ZC3H3: variants seen among roughly 807,000 people sequenced by gnomAD.
The protein encoded by ZC3H3 is zinc finger CCCH-type containing 3.
ZC3H3 carries 36 observed loss-of-function variants against 77.3 expected under a neutral mutation model. That is an observed-to-expected ratio of 0.47 (90% CI 0.36 to 0.61). The LOEUF is 0.61. Among genes scored for constraint, ZC3H3 ranks in the 20% least tolerant of loss-of-function variants. The pLI is 0.00. For synonymous variants in ZC3H3, 626 were observed against 555.2 expected (o/e 1.13, Z -1.79); for missense variants, 1,331 against 1,312.2 (o/e 1.01, Z -0.22).
intron 3 of ZC3H3, among the ~76,000 whole-genome samples, chr8:143,514,670 C>T (rs2130443221): frequency 6.6e-6 from 1 of 152,332 alleles, no homozygotes; most frequent in South Asian, 2.1e-4. Flanking sequence ...GAGTTTCACG[C>T]AGAGCCAGGC....
At chr8:143,498,598 C>T (rs527284486) in intron 4 of ZC3H3, among the ~76,000 whole-genome samples, 2 of 152,018 alleles carry the variant, frequency 1.3e-5, no homozygotes, top group African/African-American at 2.4e-5. Context: ...CTGTCCTCCC[C>T]GGCTGAAGGG....
chr8:143,490,933 C>T (rs1031502870), intron 4 of ZC3H3, among the ~76,000 whole-genome samples: 18 of 152,304 alleles, frequency 1.2e-4, no homozygotes, highest in Middle Eastern at 3.4e-3. Context: ...TAAATATTGA[C>T]TATGTAAATG....
chr8:143,495,084 C>A (rs747319219), intron 4 of ZC3H3, among the ~76,000 whole-genome samples: 1 of 152,206 alleles, frequency 6.6e-6, no homozygotes, highest in Admixed American at 6.5e-5. Flanking sequence ...AGCGATCCCA[C>A]GCGCGACAGT....
chr8:143,525,634 G>A (rs1020003796), intron 3 of ZC3H3, among the ~76,000 whole-genome samples: 1 of 152,208 alleles, frequency 6.6e-6, no homozygotes, highest in African/African-American at 2.4e-5. Flanking sequence ...ACTCAGCCCT[G>A]GAAAGAGGGG....
chr8:143,535,827 G>T (rs565406251), intron 3 of ZC3H3, among the ~76,000 whole-genome samples: 1 of 152,250 alleles, frequency 6.6e-6, no homozygotes, highest in Non-Finnish European at 1.5e-5. Context: ...ACAGTACCAT[G>T]TGACACTCAG....
At chr8:143,522,078 A>C (rs1822262234) in intron 3 of ZC3H3, among the ~76,000 whole-genome samples, 1 of 152,184 alleles carries the variant, frequency 6.6e-6, no homozygotes, top group South Asian at 2.1e-4. Flanking sequence ...CGTGTGGCCC[A>C]GTGCTGAGCC....
chr8:143,475,259 C>T, intron 5 of ZC3H3, 139 bp downstream of exon 5: 1 of 1,072,932 alleles, frequency 9.3e-7, no homozygotes, highest in East Asian at 2.7e-5. Context: ...AGGCCCCTGA[C>T]CTCCTCCCCA....
At chr8:143,441,973 G>A (rs1002196326) in intron 9 of ZC3H3, among the ~76,000 whole-genome samples, 1 of 152,206 alleles carries the variant, frequency 6.6e-6, no homozygotes, top group African/African-American at 2.4e-5. Flanking sequence ...CAAGCTCCAA[G>A]AGTGGAGCTC....
At position 143,468,364 on chromosome 8, in the gene ZC3H3, G is replaced by T. The variant is rs1820469237; in HGVS notation, c.2105+18C>A. 1 of 1,612,132 alleles carries T rather than the reference G, an allele frequency of 6.2e-7. No homozygotes were observed. The highest frequency in any genetic ancestry group is 1.1e-5 in the South Asian group (1 of 90,986). On this transcript the variant is annotated intron_variant, in intron 7 of 11. Coordinates refer to ENST00000262577, the MANE Select transcript of ZC3H3 (RefSeq NM_015117.3). Reference sequence around the variant, plus strand: ...GCACAGAACCTCCCCCAGGCCCACAGCGAGGGCAGGAGGGCACCTGGTGCA... The same window carrying T: ...GCACAGAACCTCCCCCAGGCCCACATCGAGGGCAGGAGGGCACCTGGTGCA...
At chr8:143,536,484 C>A in intron 2 of ZC3H3, 31 bp from the exon 3 acceptor site, 1 of 1,468,794 alleles carries the variant, frequency 6.8e-7, no homozygotes, top group Non-Finnish European at 9.0e-7. Flanking sequence ...CAGCTCTCAA[C>A]AAGCCCTGGG....
Position 143,498,303 on chromosome 8 carries a change from C to T in ZC3H3, c.1715+9443G>A, listed in dbSNP as rs573259010. Among the ~76,000 whole-genome samples, 10 of 152,336 alleles carry T rather than the reference C, an allele frequency of 6.6e-5. No homozygotes were observed. In the South Asian group the frequency reaches 1.9e-3, roughly 28 times the overall value. ...CTCTATGTGAAGCCCTGTCAGGCCG[C>T]GTTCTCCCAGAACCTGCAGGGCTGA... On this transcript the variant is annotated intron_variant, in intron 4 of 11. Transcript: ENST00000262577.
intron 3 of ZC3H3, among the ~76,000 whole-genome samples, chr8:143,529,416 C>A (rs893679488): frequency 1.3e-5 from 2 of 152,186 alleles, no homozygotes; most frequent in South Asian, 2.1e-4. Context: ...GGCAAACCAC[C>A]CCCTCTCCAA....
chr8:143,462,266 C>T lies in ZC3H3; in HGVS notation c.2307+3451G>A, dbSNP rs1820285973. On this transcript the variant is annotated intron_variant, in intron 9 of 11. Transcript: ENST00000262577. The surrounding 1 kb of genome is among the most constrained non-coding windows in gnomAD (Gnocchi z 4.7). ...GACTGAGGCCAGAGGAGGAAGTAACCGTGCAGGGACAAGCGACACCCACAG... is the reference window on the plus strand; with the variant it reads ...GACTGAGGCCAGAGGAGGAAGTAACTGTGCAGGGACAAGCGACACCCACAG... Among the ~76,000 whole-genome samples, 1 of 152,110 alleles carries T rather than the reference C, an allele frequency of 6.6e-6. No individual in the cohort carries two copies. The highest frequency in any genetic ancestry group is 1.5e-5 in the Non-Finnish European group (1 of 68,032).
Position 143,538,247 on chromosome 8 carries a change from G to A in ZC3H3, c.1120C>T (p.Pro374Ser), listed in dbSNP as rs1822870262. ...GAGGCCTTCCACTTGTACTTGCTGG[G>A]GGCAGACCCTGGCTTGGAGGACGTG... ...PATSSKPGSA[P>S]SKYKWKASSP... is the part of the protein sequence containing the mutation. Residue 374 changes from proline to serine, a missense_variant, in exon 2 of 12, where the codon CCC (proline) becomes TCC (serine). Pro to Ser is a moderately conservative substitution (Grantham distance 74). Coordinates refer to ENST00000262577, the MANE Select transcript of ZC3H3 (RefSeq NM_015117.3). The A allele has an allele frequency of 6.2e-7, 1 of 1,612,920 alleles. No homozygotes were observed. Among genetic ancestry groups the A allele is most frequent in the Non-Finnish European group, 8.5e-7 (1 of 1,180,048 alleles).
intron 9 of ZC3H3, among the ~76,000 whole-genome samples, chr8:143,451,155 C>T (rs1404767571): frequency 2.0e-5 from 3 of 152,092 alleles, no homozygotes; most frequent in Non-Finnish European, 4.4e-5. Flanking sequence ...CCAAAACCTA[C>T]AGACACGGGA....
rs571462026 is a variant in ZC3H3 at position 143,530,040 on chromosome 8, G to A, written c.1561+6217C>T. Among the ~76,000 whole-genome samples the A allele has an allele frequency of 5.3e-4, 81 of 152,290 alleles. 2 individuals carry two copies. Among genetic ancestry groups the A allele is most frequent in the African/African-American group, 1.6e-3 (65 of 41,570 alleles). ...TTCCTCCACACCCAGGGGCGGGCAC[G>A]GCAGACTGAGGGACGGGTAGGAATC... On this transcript the variant is annotated intron_variant, in intron 3 of 11. Coordinates refer to ENST00000262577, the MANE Select transcript of ZC3H3 (RefSeq NM_015117.3). This position sits in a 1 kb window ranked among gnomAD's most constrained non-coding sequence, Gnocchi z 4.3.
chr8:143,502,959 G>A (rs1180900128), intron 4 of ZC3H3, among the ~76,000 whole-genome samples: 1 of 152,226 alleles, frequency 6.6e-6, no homozygotes, highest in African/African-American at 2.4e-5. Context: ...CTGTGGCATG[G>A]CCGAGGTATG....
chr8:143,508,478 A>G (rs1026175309), intron 3 of ZC3H3, among the ~76,000 whole-genome samples: 9 of 152,370 alleles, frequency 5.9e-5, no homozygotes, highest in Middle Eastern at 3.4e-3. Flanking sequence ...GGTGATAGAC[A>G]CGACGGCTTT....
intron 4 of ZC3H3, among the ~76,000 whole-genome samples, chr8:143,501,004 A>C (rs1586929471): frequency 7.1e-6 from 1 of 140,586 alleles, no homozygotes; most frequent in Admixed American, 7.2e-5. Context: ...TTAAGTAGAG[A>C]CGGGGTTTCA....
Sources: gnomAD v4.1 joint callset for allele counts (sites outside exome capture counted in the v4.1 genomes callset) on GRCh38, gnomAD v4.1.1 for gene constraint, Gnocchi (gnomAD v3.1) non-coding constraint, MANE v1.5 for transcripts, NCBI Gene and HGNC (gene_info 2026-07-23, HGNC 2026-07-21) for gene names.